The following AKAP19 variants were observed in gnomAD, a reference collection of about 807,000 sequenced individuals.
AKAP19 encodes the protein A-kinase anchoring protein 19.
At chr2:189,899,626 A>T in the AKAP19 span, among the ~76,000 whole-genome samples, 1 of 152,148 alleles carries the variant, frequency 6.6e-6, no homozygotes, top group Non-Finnish European at 1.5e-5. Flanking sequence ...ACAGTGTATG[A>T]ATGTGCATAC....
the AKAP19 span, among the ~76,000 whole-genome samples, chr2:189,948,231 C>A: frequency 6.6e-6 from 1 of 152,000 alleles, no homozygotes; most frequent in African/African-American, 2.4e-5. Context: ...ATTTTAACTT[C>A]TTAGAGGGTC....
the AKAP19 span, among the ~76,000 whole-genome samples, chr2:190,069,175 T>TGTGTGTGTGTGTGTGTGTGTGTGTGA: frequency 3.2e-5 from 4 of 123,536 alleles, no homozygotes; most frequent in Admixed American, 8.3e-5. Context: ...TGTGTGTGTG[T>TGTGTGTGTGTGTGTGTGTGTGTGTGA]GAGAGAGAGA....
the AKAP19 span, among the ~76,000 whole-genome samples, chr2:189,894,614 A>T: frequency 2.0e-5 from 3 of 151,752 alleles, no homozygotes; most frequent in African/African-American, 4.8e-5. Context: ...TATTTACATA[A>T]GTTTCTTTCT....
chr2:189,945,751 T>C, the AKAP19 span, among the ~76,000 whole-genome samples: 2 of 152,330 alleles, frequency 1.3e-5, no homozygotes, highest in East Asian at 1.9e-4. Context: ...CTTTATGTTA[T>C]GTTATAGTTA....
chr2:190,056,292 A>T, the AKAP19 span: 1 of 152,548 alleles, frequency 6.6e-6, no homozygotes, highest in Non-Finnish European at 1.5e-5. Context: ...ACAAAACAAT[A>T]TTGTATACAT....
At chr2:189,982,775 G>T in the AKAP19 span, among the ~76,000 whole-genome samples, 1 of 151,924 alleles carries the variant, frequency 6.6e-6, no homozygotes, top group African/African-American at 2.4e-5. Context: ...GGGGGCCAAG[G>T]CTCTGTAGGG....
the AKAP19 span, among the ~76,000 whole-genome samples, chr2:190,126,316 AAAAAAAAAG>A: frequency 2.1e-5 from 3 of 141,688 alleles, no homozygotes; most frequent in South Asian, 2.2e-4. Context: ...AAAAAAAAAA[AAAAAAAAAG>A]GTGTATATTT....
the AKAP19 span, among the ~76,000 whole-genome samples, chr2:189,894,287 TTTATA>T: frequency 2.0e-5 from 3 of 152,208 alleles, no homozygotes; most frequent in Non-Finnish European, 4.4e-5. Context: ...AATAATTTTC[TTTATA>T]TTATAACACA....
chr2:190,194,284 TTTTC>T, the AKAP19 span, among the ~76,000 whole-genome samples: 1 of 152,152 alleles, frequency 6.6e-6, no homozygotes, highest in African/African-American at 2.4e-5. Flanking sequence ...AACACGTATT[TTTTC>T]TTTGACTATT....
the AKAP19 span, among the ~76,000 whole-genome samples, chr2:190,090,258 A>C: frequency 3.3e-5 from 5 of 151,950 alleles, no homozygotes; most frequent in South Asian, 2.1e-4. Flanking sequence ...CCTTCTATAC[A>C]CTCCTTTCAC....
the AKAP19 span, among the ~76,000 whole-genome samples, chr2:190,194,477 TACAC>T: frequency 0.087 from 12,315 of 141,296 alleles, 531 homozygotes; most frequent in Middle Eastern, 0.1. Flanking sequence ...ATCCTGTGTA[TACAC>T]ACACACACAC....
chr2:190,124,886 T>C, the AKAP19 span, among the ~76,000 whole-genome samples: 9 of 152,200 alleles, frequency 5.9e-5, no homozygotes, highest in Non-Finnish European at 7.3e-5. Context: ...TATTTTTTAC[T>C]TTTAAACTTT....
chr2:190,016,639 G>A, the AKAP19 span, among the ~76,000 whole-genome samples: 1 of 152,150 alleles, frequency 6.6e-6, no homozygotes, highest in Non-Finnish European at 1.5e-5. Flanking sequence ...TCATACAATT[G>A]TGATCAGAAA....
the AKAP19 span, among the ~76,000 whole-genome samples, chr2:189,955,712 T>C: frequency 6.6e-6 from 1 of 152,226 alleles, no homozygotes; most frequent in Admixed American, 6.5e-5. Context: ...TCTCTGATGA[T>C]TAGTGATATT....
the AKAP19 span, among the ~76,000 whole-genome samples, chr2:190,009,738 G>C: frequency 6.6e-6 from 1 of 152,128 alleles, no homozygotes; most frequent in Non-Finnish European, 1.5e-5. Context: ...AAAGCCATGA[G>C]ACTGGAAGAG....
chr2:189,907,961 C>A, the AKAP19 span, among the ~76,000 whole-genome samples: 1 of 151,886 alleles, frequency 6.6e-6, no homozygotes, highest in Non-Finnish European at 1.5e-5. Flanking sequence ...CTGAGTCTAG[C>A]TAAAGGTTTG....
At chr2:190,074,538 C>G in the AKAP19 span, among the ~76,000 whole-genome samples, 7 of 152,178 alleles carry the variant, frequency 4.6e-5, no homozygotes, top group South Asian at 1.5e-3. Flanking sequence ...CTAGTCCCAG[C>G]TGCTCAGGAG....
the AKAP19 span, among the ~76,000 whole-genome samples, chr2:189,920,538 A>C: frequency 3.3e-5 from 5 of 152,328 alleles, no homozygotes; most frequent in African/African-American, 1.2e-4. Context: ...TCTATTCCTA[A>C]AGAAAGAGAG....
chr2:190,087,049 A>G, the AKAP19 span, among the ~76,000 whole-genome samples: 1 of 152,216 alleles, frequency 6.6e-6, no homozygotes, highest in Non-Finnish European at 1.5e-5. Context: ...GTCATTAGGA[A>G]TAATAATGGA....
Sources: gnomAD v4.1 joint callset for allele counts (sites outside exome capture counted in the v4.1 genomes callset) on GRCh38, gnomAD v4.1.1 for gene constraint, MANE v1.5 for transcripts, NCBI Gene and HGNC (gene_info 2026-07-23, HGNC 2026-07-21) for gene names.